The following NEBL variants were observed in gnomAD, a reference collection of about 807,000 sequenced individuals.
NEBL encodes nebulette, also known as LIM and SH3 protein 2.
A neutral mutation model predicts 140.2 loss-of-function variants in NEBL; 122 were observed. That is an observed-to-expected ratio of 0.87 (90% CI 0.75 to 1.01). NEBL has a LOEUF of 1.01. Ranked by LOEUF, NEBL falls within the 50% of genes least tolerant of loss-of-function variation. The probability of loss-of-function intolerance (pLI) is 0.00; values close to 1 mark genes in which losing one functional copy is unlikely to be tolerated. For synonymous variants in NEBL, 436 were observed against 398.9 expected (o/e 1.09, Z -1.11); for missense variants, 1,365 against 1,231.3 (o/e 1.11, Z -1.62).
rs79774471 is a variant in NEBL at position 21,170,079 on chromosome 10, G to A, written c.164+2304C>T. ...AAACTTTTTAAATCAGATTGAACTC[G>A]AACTAAGCAATAAGCACTAAATAAT... is the stretch of plus-strand genomic sequence containing the variant. On this transcript the variant is annotated intron_variant, in intron 2 of 6. Coordinates refer to the NEBL transcript ENST00000417816. Among the ~76,000 whole-genome samples the A allele has an allele frequency of 1.4e-3, 213 of 152,228 alleles. 5 individuals are homozygous for A. The East Asian group carries it at 0.037, about 26-fold the overall frequency.
chr10:20,882,590 A>G (rs189226808), intron 4 of NEBL, among the ~76,000 whole-genome samples: 104 of 152,326 alleles, frequency 6.8e-4, no homozygotes, highest in African/African-American at 2.4e-3. Flanking sequence ...TGAATAAATG[A>G]GTTTACTAAA....
At chr10:20,830,734 C>CA (rs577547056) in intron 16 of NEBL, among the ~76,000 whole-genome samples, 21,044 of 129,688 alleles carry the variant, frequency 0.16, 2,325 homozygotes, top group African/African-American at 0.33. Context: ...CCAATAGGGT[C>CA]AAAAAAAAAA....
intron 4 of NEBL, among the ~76,000 whole-genome samples, chr10:20,903,231 A>G (rs1359112810): frequency 3.9e-5 from 6 of 152,228 alleles, no homozygotes; most frequent in African/African-American, 1.4e-4. Flanking sequence ...ATTTCTCAAA[A>G]GAAGATATAC....
intron 26 of NEBL, among the ~76,000 whole-genome samples, chr10:20,802,674 G>A (rs940943510): frequency 2.6e-5 from 4 of 152,144 alleles, no homozygotes; most frequent in Admixed American, 1.3e-4. Context: ...AAATGTGAAC[G>A]ATGAAAACCT....
At chr10:20,816,016 C>T (rs1194142472) in intron 21 of NEBL, among the ~76,000 whole-genome samples, 1 of 152,134 alleles carries the variant, frequency 6.6e-6, no homozygotes, top group Admixed American at 6.6e-5. Context: ...GATCCACCCA[C>T]CTCAGCCTCC....
intron 3 of NEBL, among the ~76,000 whole-genome samples, chr10:21,208,425 G>A (rs1182949449): frequency 6.6e-6 from 1 of 152,180 alleles, no homozygotes; most frequent in Non-Finnish European, 1.5e-5. Context: ...CTACAAGGAA[G>A]AGGTCAGACA....
rs1022082180 is a variant in NEBL, at chr10:20,880,906, T to C, written c.370-2A>G. 6.2e-7 allele frequency: 1 copy of C among 1,612,410 alleles called. No individual in the cohort carries two copies. The highest frequency in any genetic ancestry group is 1.3e-5 in the African/African-American group (1 of 74,890). ...ATCATGTTTCTGCTTGTAGGCCACC[T>C]GAAAAACACAAATAATTTTTAGTCC... is the stretch of plus-strand genomic sequence containing the variant. On this transcript the variant is annotated splice_acceptor_variant, in intron 4 of 27. Transcript: ENST00000377122. LOFTEE classifies it high-confidence loss of function.
intron 2 of NEBL, among the ~76,000 whole-genome samples, chr10:21,143,046 C>T (rs1839715438): frequency 6.6e-6 from 1 of 152,000 alleles, no homozygotes; most frequent in Non-Finnish European, 1.5e-5. Context: ...AAATACCTAA[C>T]AATTATCCTT....
At chr10:20,940,318 C>T (rs1016454978) in intron 4 of NEBL, among the ~76,000 whole-genome samples, 2 of 150,292 alleles carry the variant, frequency 1.3e-5, no homozygotes, top group African/African-American at 2.5e-5. Flanking sequence ...AACTGAACAA[C>T]CTGCTCCTGA....
At chr10:20,975,614 T>A (rs1460268009) in intron 3 of NEBL, among the ~76,000 whole-genome samples, 1 of 152,144 alleles carries the variant, frequency 6.6e-6, no homozygotes, top group Non-Finnish European at 1.5e-5. Flanking sequence ...TTTCAGAGTA[T>A]AACGAAACCC....
At chr10:20,851,247 C>G (rs536262768) in intron 10 of NEBL, among the ~76,000 whole-genome samples, 3 of 151,992 alleles carry the variant, frequency 2.0e-5, no homozygotes, top group African/African-American at 7.2e-5. Context: ...CAGAAATGTG[C>G]TCTTGATAAA....
intron 1 of NEBL, among the ~76,000 whole-genome samples, chr10:21,266,994 A>G (rs572466555): frequency 1.3e-5 from 2 of 151,104 alleles, no homozygotes; most frequent in Non-Finnish European, 2.9e-5. Flanking sequence ...TGTTTTTTTC[A>G]GACGGAGTCT....
chr10:21,001,031 G>A (rs776211816), intron 3 of NEBL, among the ~76,000 whole-genome samples: 3 of 152,152 alleles, frequency 2.0e-5, no homozygotes, highest in Non-Finnish European at 2.9e-5. Context: ...ATCATCTGCA[G>A]TTCCCTCAGG....
intron 9 of NEBL, among the ~76,000 whole-genome samples, chr10:20,855,598 A>G (rs1281841872): frequency 6.6e-6 from 1 of 152,074 alleles, no homozygotes; most frequent in African/African-American, 2.4e-5. Flanking sequence ...CTTTCCTTAT[A>G]TAACAGTCTC....
intron 26 of NEBL, among the ~76,000 whole-genome samples, chr10:20,793,536 T>G (rs1266671895): frequency 6.6e-6 from 1 of 151,436 alleles, no homozygotes; most frequent in Non-Finnish European, 1.5e-5. Flanking sequence ...TAATGGTGTC[T>G]TATTTTTCTT....
At chr10:20,861,399 G>C (rs547912914) in intron 7 of NEBL, among the ~76,000 whole-genome samples, 2 of 152,086 alleles carry the variant, frequency 1.3e-5, no homozygotes, top group East Asian at 3.9e-4. Context: ...GGATGGTCTC[G>C]ATCTCCTGAC....
intron 3 of NEBL, among the ~76,000 whole-genome samples, chr10:21,218,926 T>C (rs554557701): frequency 1.3e-5 from 2 of 152,348 alleles, no homozygotes; most frequent in South Asian, 4.1e-4. Context: ...CCTGGTACAT[T>C]TGCTCTCCTC....
chr10:20,968,226 C>A (rs1224119107), intron 3 of NEBL, among the ~76,000 whole-genome samples: 8 of 151,988 alleles, frequency 5.3e-5, no homozygotes, highest in Non-Finnish European at 1.5e-5. Flanking sequence ...GGATTAGGGC[C>A]AGGCACCGTG....
intron 3 of NEBL, among the ~76,000 whole-genome samples, chr10:21,240,622 C>CA (rs981986933): frequency 6.0e-5 from 9 of 150,446 alleles, no homozygotes; most frequent in East Asian, 3.9e-4. Context: ...TTGTCACACA[C>CA]AAAAAAAAGC....
Sources: gnomAD v4.1 joint callset for allele counts (sites outside exome capture counted in the v4.1 genomes callset) on GRCh38, gnomAD v4.1.1 for gene constraint, MANE v1.5 for transcripts, NCBI Gene and HGNC (gene_info 2026-07-23, HGNC 2026-07-21) for gene names.